Variants in TULP4 observed in about 807,000 individuals in gnomAD.
The protein encoded by TULP4 is tubby-related protein 4.
A neutral mutation model predicts 129.0 loss-of-function variants in TULP4; 16 were observed. The ratio of observed to expected loss-of-function variants is 0.12; its 90% CI spans 0.08 to 0.19. TULP4 has a LOEUF of 0.19. Ranked by LOEUF, TULP4 falls within the 10% of genes least tolerant of loss-of-function variation. The pLI, the probability that TULP4 is intolerant of heterozygous loss-of-function variation, is 1.00. For missense variants in TULP4, 1,842 were observed against 2,059.1 expected (o/e 0.89, Z 2.04); for synonymous variants, 998 against 854.0 (o/e 1.17, Z -2.94).
chr6:158,408,613 G>T (rs1380115571), intron 1 of TULP4, among the ~76,000 whole-genome samples: 1 of 152,128 alleles, frequency 6.6e-6, no homozygotes, highest in Admixed American at 6.5e-5. Flanking sequence ...CAGCAAGAGG[G>T]TCCTGGTGGC....
intron 1 of TULP4, among the ~76,000 whole-genome samples, chr6:158,379,972 G>A (rs1777285779): frequency 6.6e-6 from 1 of 152,134 alleles, no homozygotes; most frequent in Non-Finnish European, 1.5e-5. Flanking sequence ...GATTAGGGCT[G>A]GGATAGGCTG....
chr6:158,405,341 T>C (rs1777954128), intron 1 of TULP4, among the ~76,000 whole-genome samples: 1 of 152,094 alleles, frequency 6.6e-6, no homozygotes, highest in South Asian at 2.1e-4. Context: ...GTCAAAGGAA[T>C]TAGAAAAGAC....
chr6:158,504,558 G>A (rs1334589560), intron 13 of TULP4, among the ~76,000 whole-genome samples: 7 of 148,562 alleles, frequency 4.7e-5, no homozygotes, highest in South Asian at 2.1e-4. Flanking sequence ...GGGTTTCACC[G>A]TGTTAGCCAG....
intron 1 of TULP4, among the ~76,000 whole-genome samples, chr6:158,395,523 G>A (rs1041222594): frequency 2.0e-5 from 3 of 151,696 alleles, no homozygotes; most frequent in African/African-American, 7.3e-5. Flanking sequence ...GGAGGTTGTG[G>A]TGAGCTGAGA....
intron 8 of TULP4, among the ~76,000 whole-genome samples, chr6:158,481,891 A>G (rs977515017): frequency 6.6e-6 from 1 of 152,134 alleles, no homozygotes; most frequent in African/African-American, 2.4e-5. Context: ...GGGATCCTAG[A>G]TTGTAAGCTT....
chr6:158,357,601 G>GC (rs1780677950), intron 1 of TULP4, among the ~76,000 whole-genome samples: 1 of 152,220 alleles, frequency 6.6e-6, no homozygotes, highest in South Asian at 2.1e-4. Context: ...GGCTGGTGAA[G>GC]CTATACCTTT....
chr6:158,480,334 C>T (rs1313784579), intron 7 of TULP4, among the ~76,000 whole-genome samples: 1 of 152,204 alleles, frequency 6.6e-6, no homozygotes, highest in Non-Finnish European at 1.5e-5. Flanking sequence ...CTGACAGATG[C>T]CATTATTCGC....
At chr6:158,501,619 C>T (rs1780446824) in intron 12 of TULP4, 59 bp from the exon 13 acceptor site, 1 of 1,522,242 alleles carries the variant, frequency 6.6e-7, no homozygotes. Flanking sequence ...ATTGCTTATC[C>T]TGATCTGGTT....
intron 1 of TULP4, among the ~76,000 whole-genome samples, chr6:158,290,318 G>A (rs1183883008): frequency 6.6e-6 from 1 of 152,086 alleles, no homozygotes; most frequent in Non-Finnish European, 1.5e-5. Flanking sequence ...CTCTCCATTT[G>A]TTGTCTCCTT....
At chr6:158,273,095 G>A (rs1263073793) in intron 1 of TULP4, among the ~76,000 whole-genome samples, 1 of 152,226 alleles carries the variant, frequency 6.6e-6, no homozygotes, top group African/African-American at 2.4e-5. Flanking sequence ...TTTTCCCATT[G>A]TACTATGATG....
intron 1 of TULP4, among the ~76,000 whole-genome samples, chr6:158,408,341 G>C: frequency 6.6e-6 from 1 of 152,002 alleles, no homozygotes. Context: ...GGGTGCAAGT[G>C]GTGGGAGACA....
chr6:158,278,568 A>G (rs1778686499), upstream of TULP4, among the ~76,000 whole-genome samples: 2 of 152,156 alleles, frequency 1.3e-5, no homozygotes, highest in African/African-American at 2.4e-5. Flanking sequence ...GTTAACTTTG[A>G]TAATTCTTTT....
At chr6:158,429,972 G>A in intron 3 of TULP4, 75 bp downstream of exon 3, 1 of 1,402,826 alleles carries the variant, frequency 7.1e-7, no homozygotes, top group Non-Finnish European at 9.5e-7. Flanking sequence ...GGGCAGGAGA[G>A]GGGAGCTGGT....
chr6:158,472,897 A>G (rs981731705), intron 6 of TULP4, among the ~76,000 whole-genome samples: 1 of 152,162 alleles, frequency 6.6e-6, no homozygotes, highest in African/African-American at 2.4e-5. Flanking sequence ...AATTTATCTC[A>G]TTAGCTGTTA....
chr6:158,355,131 GCA>G (rs1780616645), intron 1 of TULP4, among the ~76,000 whole-genome samples: 1 of 151,410 alleles, frequency 6.6e-6, no homozygotes, highest in South Asian at 2.1e-4. Context: ...GAGTACAGTG[GCA>G]CAGTTATAGC....
At chr6:158,280,146 A>C (rs1286637482), upstream of TULP4, among the ~76,000 whole-genome samples, 2 of 152,192 alleles carry the variant, frequency 1.3e-5, no homozygotes, top group Non-Finnish European at 2.9e-5. Context: ...GGGCCTCAGT[A>C]TGAATTTTAA....
chr6:158,489,408 C>T (rs999763745), intron 8 of TULP4, among the ~76,000 whole-genome samples, 180 bp from the exon 9 acceptor site: 2 of 152,200 alleles, frequency 1.3e-5, no homozygotes, highest in African/African-American at 4.8e-5. Flanking sequence ...AAGTAATTGC[C>T]TCCTTCTGCT....
At chr6:158,365,562 C>T (rs777036044) in intron 1 of TULP4, among the ~76,000 whole-genome samples, 14 of 151,168 alleles carry the variant, frequency 9.3e-5, no homozygotes, top group Admixed American at 3.3e-4. Context: ...CTGCAAGCTC[C>T]GCCTCGCAGG....
chr6:158,468,478 A>G (rs1779601692), intron 6 of TULP4, among the ~76,000 whole-genome samples: 1 of 152,214 alleles, frequency 6.6e-6, no homozygotes, highest in African/African-American at 2.4e-5. Context: ...GGATCAGATA[A>G]CTTAAACTTA....
Sources: gnomAD v4.1 joint callset for allele counts (sites outside exome capture counted in the v4.1 genomes callset) on GRCh38, gnomAD v4.1.1 for gene constraint, MANE v1.5 for transcripts, NCBI Gene and HGNC (gene_info 2026-07-23, HGNC 2026-07-21) for gene names.